Variants in TAOK3 observed in about 807,000 individuals in gnomAD.
TAOK3 encodes serine/threonine-protein kinase TAO3.
Under a neutral mutation model 120.4 loss-of-function variants are expected in TAOK3, and 40 were observed. That is an observed-to-expected ratio of 0.33 (90% CI 0.26 to 0.43). The LOEUF (loss-of-function observed/expected upper bound fraction) is 0.43, where lower values mean the gene tolerates loss of function less well. Among genes scored for constraint, TAOK3 ranks in the 20% least tolerant of loss-of-function variants. TAOK3 has a pLI of 1.00. For missense variants in TAOK3, 821 were observed against 1,112.1 expected (o/e 0.74, Z 3.72); for synonymous variants, 355 against 387.5 (o/e 0.92, Z 0.99).
intron 9 of TAOK3, among the ~76,000 whole-genome samples, chr12:118,217,283 C>G (rs901333228): frequency 6.6e-6 from 1 of 152,158 alleles, no homozygotes; most frequent in Non-Finnish European, 1.5e-5. Context: ...AAGTAGTAAA[C>G]TTTAAGTCAT....
At chr12:118,207,319 T>C (rs1346249449) in intron 11 of TAOK3, among the ~76,000 whole-genome samples, 74 of 130,374 alleles carry the variant, frequency 5.7e-4, no homozygotes, top group Non-Finnish European at 4.8e-4. Flanking sequence ...AGAGCGAAAC[T>C]CCGTCTCAGG....
intron 1 of TAOK3, among the ~76,000 whole-genome samples, chr12:118,317,469 T>G (rs1053410951): frequency 1.3e-5 from 2 of 151,920 alleles, no homozygotes; most frequent in African/African-American, 4.8e-5. Flanking sequence ...AAGCTAATTT[T>G]TTGTATTTTT....
At chr12:118,325,906 C>T (rs2043917227) in intron 1 of TAOK3, among the ~76,000 whole-genome samples, 1 of 152,142 alleles carries the variant, frequency 6.6e-6, no homozygotes, top group Non-Finnish European at 1.5e-5. Flanking sequence ...TCTTGAACTC[C>T]TGACTTCAAG....
chr12:118,186,086 G>A (rs1353534115), intron 14 of TAOK3, among the ~76,000 whole-genome samples: 3 of 152,082 alleles, frequency 2.0e-5, no homozygotes, highest in Non-Finnish European at 4.4e-5. Flanking sequence ...AATTATTAGG[G>A]TGCATTTTAA....
intron 16 of TAOK3, among the ~76,000 whole-genome samples, chr12:118,174,253 A>C (rs1165857450): frequency 6.6e-6 from 1 of 152,228 alleles, no homozygotes; most frequent in Non-Finnish European, 1.5e-5. Context: ...AATATCTGTA[A>C]GTATATAAAT....
At chr12:118,175,832 G>A (rs2036291016) in intron 16 of TAOK3, among the ~76,000 whole-genome samples, 1 of 152,180 alleles carries the variant, frequency 6.6e-6, no homozygotes, top group Non-Finnish European at 1.5e-5. Flanking sequence ...AGAAATTTGA[G>A]CTTTCAGATC....
chr12:118,267,214 A>G (rs931377916), intron 1 of TAOK3, among the ~76,000 whole-genome samples: 3 of 151,896 alleles, frequency 2.0e-5, no homozygotes, highest in Admixed American at 2.0e-4. Context: ...GGTGATGATT[A>G]TTATTTATTT....
At chr12:118,264,321 C>A (rs186026613) in intron 2 of TAOK3, among the ~76,000 whole-genome samples, 2 of 152,164 alleles carry the variant, frequency 1.3e-5, no homozygotes, top group Admixed American at 6.5e-5. Context: ...TGGAAACAAC[C>A]CAAATGTATA....
chr12:118,199,300 TAA>T (rs1173610840), intron 12 of TAOK3, 43 bp from the exon 13 acceptor site: 11 of 1,471,128 alleles, frequency 7.5e-6, no homozygotes, highest in Non-Finnish European at 9.5e-7. Flanking sequence ...AGACTGAAGA[TAA>T]AGAGTCAATC....
At chr12:118,352,028 C>T (rs1038271484) in intron 1 of TAOK3, among the ~76,000 whole-genome samples, 6 of 151,550 alleles carry the variant, frequency 4.0e-5, no homozygotes, top group South Asian at 2.1e-4. Flanking sequence ...CACCCGCCAC[C>T]GCGCCTGGCT....
intron 5 of TAOK3, among the ~76,000 whole-genome samples, chr12:118,240,474 C>T (rs981689827): frequency 5.3e-5 from 8 of 152,006 alleles, no homozygotes; most frequent in African/African-American, 1.9e-4. Context: ...CCACCGTGCC[C>T]GGCCTCTTTC....
chr12:118,353,799 G>T (rs1566164866), intron 1 of TAOK3, among the ~76,000 whole-genome samples: 2 of 152,150 alleles, frequency 1.3e-5, no homozygotes, highest in Non-Finnish European at 2.9e-5. Flanking sequence ...AGGAGACAAA[G>T]GGGTTACATT....
chr12:118,228,793 A>T (rs1190913110), intron 9 of TAOK3, among the ~76,000 whole-genome samples: 4 of 152,168 alleles, frequency 2.6e-5, no homozygotes, highest in Non-Finnish European at 2.9e-5. Flanking sequence ...GAGGACTTGA[A>T]ATTCTTGCCA....
chr12:118,194,619 T>C (rs914825425), intron 13 of TAOK3, among the ~76,000 whole-genome samples: 11 of 151,052 alleles, frequency 7.3e-5, no homozygotes, highest in East Asian at 1.9e-4. Context: ...TTTCTTTTTT[T>C]TTTTTTTTTT....
chr12:118,168,968 C>T (rs1023819203), intron 17 of TAOK3, among the ~76,000 whole-genome samples: 1 of 42,156 alleles, frequency 2.4e-5, no homozygotes, highest in Non-Finnish European at 6.1e-5. Flanking sequence ...TTCCTTCCTT[C>T]CTTCCTTCCT....
chr12:118,209,381 G>A (rs571139802), intron 11 of TAOK3, among the ~76,000 whole-genome samples: 1 of 152,148 alleles, frequency 6.6e-6, no homozygotes, highest in South Asian at 2.1e-4. Flanking sequence ...GAAATGGGAG[G>A]GAGATTTCTT....
intron 7 of TAOK3, chr12:118,236,610 A>T (rs1462998673): frequency 6.6e-6 from 1 of 152,138 alleles, no homozygotes; most frequent in Non-Finnish European, 1.5e-5. Flanking sequence ...TAAGGTTCAA[A>T]TGCTTCAAAA....
chr12:118,347,815 T>C (rs541136806), intron 1 of TAOK3, among the ~76,000 whole-genome samples: 3 of 152,336 alleles, frequency 2.0e-5, no homozygotes, highest in Admixed American at 6.5e-5. Context: ...TTTCTCCTTT[T>C]CCATTGAGGC....
At chr12:118,295,879 G>C (rs1239740020) in intron 1 of TAOK3, among the ~76,000 whole-genome samples, 2 of 152,116 alleles carry the variant, frequency 1.3e-5, no homozygotes, top group Admixed American at 6.6e-5. Flanking sequence ...GCATTTACTA[G>C]GCATTAGAAA....
Sources: gnomAD v4.1 joint callset for allele counts (sites outside exome capture counted in the v4.1 genomes callset) on GRCh38, gnomAD v4.1.1 for gene constraint, MANE v1.5 for transcripts, NCBI Gene and HGNC (gene_info 2026-07-23, HGNC 2026-07-21) for gene names.